The following UPF1 variants were observed in gnomAD, a reference collection of about 807,000 sequenced individuals.
The protein encoded by UPF1 is UPF1 RNA helicase and ATPase, also known as regulator of nonsense transcripts 1.
In UPF1, 9 loss-of-function variants were observed where a neutral mutation model predicts 129.2. That is an observed-to-expected ratio of 0.07 (90% confidence interval 0.04 to 0.12). The LOEUF (loss-of-function observed/expected upper bound fraction) is 0.12. UPF1 is among the 10% of genes least tolerant of loss of function. The probability of loss-of-function intolerance (pLI) is 1.00; values close to 1 mark genes in which losing one functional copy is unlikely to be tolerated. For synonymous variants in UPF1, 649 were observed against 644.9 expected (o/e 1.01, Z -0.10); for missense variants, 788 against 1,525.3 (o/e 0.52, Z 8.05).
intron 2 of UPF1, among the ~76,000 whole-genome samples, chr19:18,846,844 G>A (rs1440968055): frequency 6.6e-6 from 1 of 152,182 alleles, no homozygotes; most frequent in Non-Finnish European, 1.5e-5. Context: ...CAAAAAATTA[G>A]CCAAGCATGG....
Position 18,854,582 on chromosome 19 carries a change from A to G in UPF1, c.1157-19A>G. On this transcript the variant is annotated intron_variant, in intron 8 of 23. Transcript: ENST00000262803. ...CAGCCCGGCTTTTGACAAGGATGCA[A>G]ACTTAACTCAGCACACAGATTATGG... The G allele has an allele frequency of 1.9e-5, 31 of 1,595,072 alleles. No homozygotes were observed. Among genetic ancestry groups the G allele is most frequent in the Non-Finnish European group, 2.7e-5 (31 of 1,166,448 alleles).
Position 18,850,119 on chromosome 19 carries a change from C to T in UPF1, c.506C>T (p.Thr169Ile). The change falls in exon 4 of 24, where the codon ACC becomes ATC. Residue 169 changes from threonine to isoleucine, a missense_variant. Physicochemically the swap from Thr to Ile is moderately conservative, Grantham distance 89 (BLOSUM62 -1). Around this residue, in one of 6 missense-constraint regions of UPF1, gnomAD observed 227 missense variants for 517.9 expected, o/e 0.44. Coordinates refer to ENST00000262803, the MANE Select transcript of UPF1 (RefSeq NM_002911.4). This position sits in a 1 kb window ranked among gnomAD's most constrained non-coding sequence, Gnocchi z 7.1. ...HLVRAKCKEVTLHKDGPLGET... is the reference protein window; with the variant it reads ...HLVRAKCKEVILHKDGPLGET... ...GTGAGGGCAAAATGCAAAGAGGTGA[C>T]CCTGCACAAGGACGGGCCCCTGGGG... The T allele has an allele frequency of 1.2e-6, 2 of 1,614,226 alleles. No homozygotes were observed. The highest frequency in any genetic ancestry group is 8.5e-7 in the Non-Finnish European group (1 of 1,180,042).
At chr19:18,843,746 TGTG>T (rs947373526) in intron 1 of UPF1, among the ~76,000 whole-genome samples, 6 of 150,964 alleles carry the variant, frequency 4.0e-5, no homozygotes, top group African/African-American at 1.5e-4. Context: ...TGTGTGTGTG[TGTG>T]TGTTGTTGTT....
chr19:18,846,502 C>G (rs1442302013), intron 2 of UPF1, among the ~76,000 whole-genome samples: 1 of 152,120 alleles, frequency 6.6e-6, no homozygotes, highest in Non-Finnish European at 1.5e-5. Flanking sequence ...AAAGCAGTTG[C>G]TGCAGGGTTC....
rs76853941 is a variant in UPF1, at chr19:18,843,224, G to A, written c.232-2756G>A. The stretch of plus-strand genomic sequence containing the variant: ...TAGCCAACAATGTTGAGGGCCTCCT[G>A]GGGTGCAGGCTCCATCTAGGTGCTG... On this transcript the variant is annotated intron_variant, in intron 1 of 23. Coordinates refer to ENST00000262803, the MANE Select transcript of UPF1 (RefSeq NM_002911.4). Among the ~76,000 whole-genome samples the A allele has an allele frequency of 2.7e-3, 417 of 152,280 alleles. 1 individual carries two copies. The highest frequency in any genetic ancestry group is 3.9e-3 in the South Asian group (19 of 4,830).
At chr19:18,846,303 G>T (rs2055598247) in intron 2 of UPF1, among the ~76,000 whole-genome samples, 184 bp downstream of exon 2, 1 of 152,216 alleles carries the variant, frequency 6.6e-6, no homozygotes, top group Non-Finnish European at 1.5e-5. Context: ...TACCGGTCAG[G>T]AGGTGGGCTC....
At chr19:18,863,199 G>A (rs1007422709) in intron 18 of UPF1, 11 of 481,252 alleles carry the variant, frequency 2.3e-5, no homozygotes, top group South Asian at 7.0e-5. Flanking sequence ...TATCCACCCA[G>A]CCAGGTGTCT....
rs2055799954 is a variant in UPF1, at chr19:18,863,146, C to T, written c.2601-292C>T. 5 of 332,730 alleles carry T rather than the reference C, an allele frequency of 1.5e-5. No homozygotes were observed. In the South Asian group the frequency reaches 2.9e-4, roughly 19 times the overall value. 20.6% of individuals were successfully genotyped at this position (332,730 alleles called of 1,614,324 possible). On this transcript the variant is annotated intron_variant, in intron 18 of 23. Transcript: ENST00000262803. Reference sequence around the variant, plus strand: ...TGTGGGGCCGCGTGTGCCCCGGTGCCTGGAAGGCCGACTCTCTTGACAGCA... The same window carrying T: ...TGTGGGGCCGCGTGTGCCCCGGTGCTTGGAAGGCCGACTCTCTTGACAGCA...
Position 18,852,973 on chromosome 19 carries a change from T to C in UPF1, c.973-14T>C. 2 of 1,610,796 alleles carry C rather than the reference T, an allele frequency of 1.2e-6. No homozygotes were observed. Among genetic ancestry groups the C allele is most frequent in the Non-Finnish European group, 1.7e-6 (2 of 1,177,846 alleles). On this transcript the variant is annotated splice_polypyrimidine_tract_variant and intron_variant, in intron 6 of 23. Transcript: ENST00000262803. ...CTGGAGGCTAACCGGGGCTCTTGTT[T>C]TTCATGTGCTCAGACTCAAGATAAC...
chr19:18,833,061 G>A (rs2055446052), intron 1 of UPF1: 1 of 152,274 alleles, frequency 6.6e-6, no homozygotes, highest in African/African-American at 2.4e-5. Flanking sequence ...GCCTGGTCCG[G>A]GGGTCCTGCC....
rs567649928 is a variant in UPF1 at position 18,865,518 on chromosome 19, G to A, written c.3020-43G>A. ...CTCTTGAGGGTGTGCTTGTCTGCGAGGCCCTGGCCTCCTTCGGATCACCCT... is the reference window on the plus strand; with the variant it reads ...CTCTTGAGGGTGTGCTTGTCTGCGAAGCCCTGGCCTCCTTCGGATCACCCT... On this transcript the variant is annotated intron_variant, in intron 21 of 23. Transcript: ENST00000262803. The surrounding 1 kb of genome is among the most constrained non-coding windows in gnomAD (Gnocchi z 6.1). 27 of 1,612,706 alleles carry A rather than the reference G, an allele frequency of 1.7e-5. No homozygotes were observed. The highest frequency in any genetic ancestry group is 3.3e-4 in the Middle Eastern group (2 of 6,058).
chr19:18,847,870 G>A (rs371953773), intron 3 of UPF1, 37 bp downstream of exon 3: 10 of 1,586,144 alleles, frequency 6.3e-6, no homozygotes, highest in Non-Finnish European at 8.7e-6. Flanking sequence ...TTTAATCAGT[G>A]CTGTGCTCAG....
intron 14 of UPF1, 43 bp from the exon 15 acceptor site, chr19:18,857,277 C>T: frequency 1.3e-6 from 2 of 1,580,482 alleles, no homozygotes; most frequent in African/African-American, 1.4e-5. Flanking sequence ...GAGGCTGATT[C>T]ACACCTGAGC....
intron 1 of UPF1, among the ~76,000 whole-genome samples, chr19:18,838,583 G>A (rs2145933252): frequency 6.6e-6 from 1 of 152,260 alleles, no homozygotes; most frequent in Admixed American, 6.5e-5. Context: ...GGGAGGTGGA[G>A]GTTGCGGTGA....
At position 18,856,921 on chromosome 19, in the gene UPF1, G is replaced by A. The variant is rs146805409; in HGVS notation, c.1869G>A (p.Pro623=). 6,727 of 1,612,228 alleles carry A rather than the reference G, an allele frequency of 4.2e-3. 23 individuals carry two copies. The highest frequency in any genetic ancestry group is 5.8e-3 in the Middle Eastern group (28 of 4,826). Residue 623 remains proline, a synonymous_variant, in exon 14 of 24, where the codon CCG becomes CCA. Coordinates refer to ENST00000262803, the MANE Select transcript of UPF1 (RefSeq NM_002911.4). ...GCACATGTGTGGGCGCCGGTGACCCGAGGCTGGCCAAGATGCAGTTCCGCT... is the reference window on the plus strand; with the variant it reads ...GCACATGTGTGGGCGCCGGTGACCCAAGGCTGGCCAAGATGCAGTTCCGCT... ...ICCTCVGAGD[P]RLAKMQFRSI...
At chr19:18,840,950 A>G (rs2055534657) in intron 1 of UPF1, among the ~76,000 whole-genome samples, 1 of 152,210 alleles carries the variant, frequency 6.6e-6, no homozygotes, top group Non-Finnish European at 1.5e-5. Flanking sequence ...CCCTTGTGAC[A>G]GTGAGCATGG....
At chr19:18,852,348 C>A (rs775567117) in intron 6 of UPF1, 52 bp downstream of exon 6, 1 of 1,601,642 alleles carries the variant, frequency 6.2e-7, no homozygotes, top group Admixed American at 1.8e-5. Flanking sequence ...TCTCACAGCT[C>A]TCTCCTCAGG....
rs1568279003 is a variant in UPF1, at chr19:18,855,913, ATGG to A, written c.1545-9_1545-7del. 2 of 1,613,316 alleles carry A rather than the reference ATGG, an allele frequency of 1.2e-6. No individual in the cohort carries two copies. Among genetic ancestry groups the A allele is most frequent in the African/African-American group, 2.7e-5 (2 of 75,060 alleles). On this transcript the variant is annotated splice_polypyrimidine_tract_variant and intron_variant, in intron 11 of 23. Transcript: ENST00000262803. Reference sequence around the variant, plus strand: ...TCTGGGTAAGCACTGAGCTGCCCCAATGGTGTTGCAGGCCGGTGCTGGTGTGTG... The same window carrying A: ...TCTGGGTAAGCACTGAGCTGCCCCAATGTTGCAGGCCGGTGCTGGTGTGTG...
chr19:18,846,072 TGAA>T lies in UPF1; in HGVS notation c.330_332del (p.Glu110del). On this transcript the variant is annotated inframe_deletion, in exon 2 of 24. Transcript: ENST00000262803. ...TGGCTGAGTTGAACTTCGAGGAAGATGAAGAAGACACCTATTACACGAAGGACC... is the reference window on the plus strand; with the variant it reads ...TGGCTGAGTTGAACTTCGAGGAAGATGAAGACACCTATTACACGAAGGACC... 1.7e-5 allele frequency: 28 copies of T among 1,614,156 alleles called. No homozygotes were observed. The highest frequency in any genetic ancestry group is 2.4e-5 in the Non-Finnish European group (28 of 1,180,030).
Sources: gnomAD v4.1 joint callset for allele counts (sites outside exome capture counted in the v4.1 genomes callset) on GRCh38, gnomAD v4.1.1 for gene constraint, gnomAD v4.1.1 regional missense constraint, Gnocchi (gnomAD v3.1) non-coding constraint, MANE v1.5 for transcripts, NCBI Gene and HGNC (gene_info 2026-07-23, HGNC 2026-07-21) for gene names.